The following CACNB2 variants were observed in gnomAD, a reference collection of about 807,000 sequenced individuals.
CACNB2 encodes the protein calcium voltage-gated channel auxiliary subunit beta 2, also known as voltage-dependent L-type calcium channel subunit beta-2.
In CACNB2, 42 loss-of-function variants were observed where a neutral mutation model predicts 73.3. That is an observed-to-expected ratio of 0.57 (90% CI 0.45 to 0.74). The LOEUF is 0.74. CACNB2 is among the 30% of genes least tolerant of loss of function. The pLI is 0.00. For synonymous variants in CACNB2, 348 were observed against 310.3 expected (o/e 1.12, Z -1.28); for missense variants, 940 against 853.0 (o/e 1.10, Z -1.27).
intron 2 of CACNB2, chr10:18,151,236 G>T: frequency 2.7e-6 from 1 of 370,898 alleles, no homozygotes; most frequent in Non-Finnish European, 4.8e-6. Context: ...AACAGTGAGA[G>T]AACTCCAGCA....
intron 2 of CACNB2, among the ~76,000 whole-genome samples, chr10:18,289,785 G>A (rs369300416): frequency 1.3e-5 from 2 of 152,086 alleles, no homozygotes; most frequent in South Asian, 2.1e-4. Flanking sequence ...CCCTTTAGTT[G>A]TTCTATCCTT....
chr10:18,217,677 A>C (rs921240775), intron 2 of CACNB2, among the ~76,000 whole-genome samples: 4 of 151,646 alleles, frequency 2.6e-5, no homozygotes, highest in African/African-American at 9.7e-5. Context: ...TGAGAAAATA[A>C]TCACATGCTT....
In CACNB2 at chr10:18,359,266, GT is replaced by G. The variant is rs1344236727; in HGVS notation, c.214-42652del. Among the ~76,000 whole-genome samples the G allele has an allele frequency of 4.6e-5, 7 of 152,000 alleles. No individual in the cohort carries two copies. In the East Asian group the frequency reaches 1.2e-3, roughly 25 times the overall value. ...GGAGTTTGTGAGTAATGTTTGTTTT[GT>G]TTTTTGTTTGTTTGTTTGTTTTGAC... On this transcript the variant is annotated intron_variant, in intron 2 of 13. Coordinates refer to ENST00000324631, the MANE Select transcript of CACNB2 (RefSeq NM_201596.3).
intron 6 of CACNB2, among the ~76,000 whole-genome samples, chr10:18,507,646 C>T (rs1301422703): frequency 6.6e-6 from 1 of 151,768 alleles, no homozygotes; most frequent in East Asian, 1.9e-4. Flanking sequence ...CAAAAAAAAG[C>T]ACATGATCAG....
intron 2 of CACNB2, among the ~76,000 whole-genome samples, chr10:18,211,265 T>C (rs1179921449): frequency 3.9e-5 from 6 of 152,204 alleles, no homozygotes; most frequent in African/African-American, 1.4e-4. Flanking sequence ...AGGGTCACCG[T>C]GTTTGTGACA....
rs114325966 is a variant in CACNB2 at position 18,525,214 on chromosome 10, C to T, written c.945-2374C>T. On this transcript the variant is annotated intron_variant, in intron 9 of 13. Coordinates refer to ENST00000324631, the MANE Select transcript of CACNB2 (RefSeq NM_201596.3). Reference sequence around the variant, plus strand: ...TGCTGGGTGTCATTCTGGAACATTCCGTGTTATATGCTTGGGGATTCCTTT... The same window carrying T: ...TGCTGGGTGTCATTCTGGAACATTCTGTGTTATATGCTTGGGGATTCCTTT... Among the ~76,000 whole-genome samples, 875 of 151,790 alleles carry T rather than the reference C, an allele frequency of 5.8e-3. 11 individuals carry two copies. The highest frequency in any genetic ancestry group is 0.02 in the African/African-American group (834 of 41,360).
chr10:18,155,738 TAC>T (rs1196439824), intron 2 of CACNB2, among the ~76,000 whole-genome samples: 2 of 152,152 alleles, frequency 1.3e-5, no homozygotes, highest in African/African-American at 4.8e-5. Context: ...TCTTTTTCAT[TAC>T]AGTCAGTTTT....
chr10:18,247,312 A>T (rs1277134660), intron 2 of CACNB2, among the ~76,000 whole-genome samples: 9 of 152,186 alleles, frequency 5.9e-5, no homozygotes, highest in Non-Finnish European at 1.2e-4. Context: ...TTCCTTGATC[A>T]GTCCCCAAAT....
chr10:18,238,844 G>T (rs181639505), intron 2 of CACNB2, among the ~76,000 whole-genome samples: 1 of 152,108 alleles, frequency 6.6e-6, no homozygotes, highest in South Asian at 2.1e-4. Context: ...TAACACAACC[G>T]TAAACCATTC....
At chr10:18,146,509 G>A (rs905551358) in intron 1 of CACNB2, among the ~76,000 whole-genome samples, 7 of 150,430 alleles carry the variant, frequency 4.7e-5, no homozygotes, top group East Asian at 1.9e-4. Flanking sequence ...ACAGAATCTC[G>A]CTCTGTCACT....
intron 3 of CACNB2, among the ~76,000 whole-genome samples, chr10:18,468,614 T>G (rs931528869): frequency 1.3e-5 from 2 of 152,062 alleles, no homozygotes; most frequent in African/African-American, 4.8e-5. Flanking sequence ...TTTATTTTGT[T>G]TTGAGACGGA....
intron 3 of CACNB2, among the ~76,000 whole-genome samples, chr10:18,496,950 C>A (rs1340271636): frequency 6.6e-6 from 1 of 151,198 alleles, no homozygotes; most frequent in African/African-American, 2.4e-5. Flanking sequence ...GTGTCTCGTA[C>A]CTGTAATCCC....
At chr10:18,310,750 T>A (rs111786492) in intron 2 of CACNB2, among the ~76,000 whole-genome samples, 7,668 of 151,654 alleles carry the variant, frequency 0.051, 268 homozygotes, top group African/African-American at 0.098. Flanking sequence ...TGGCTAATTT[T>A]TTTTGTATTT....
intron 3 of CACNB2, among the ~76,000 whole-genome samples, chr10:18,431,627 C>T (rs1159252906): frequency 3.9e-5 from 6 of 152,056 alleles, no homozygotes; most frequent in Non-Finnish European, 4.4e-5. Flanking sequence ...CAATATTTTC[C>T]TCCTTAAAAA....
At chr10:18,227,993 G>A (rs533696461) in intron 2 of CACNB2, among the ~76,000 whole-genome samples, 38 of 152,002 alleles carry the variant, frequency 2.5e-4, no homozygotes, top group African/African-American at 8.2e-4. Context: ...CTGAAAGGAG[G>A]AAAAAAAAAT....
intron 2 of CACNB2, among the ~76,000 whole-genome samples, chr10:18,181,562 T>TTTTATTTTATTTTATTTTA (rs2033882015): frequency 8.8e-6 from 1 of 113,536 alleles, no homozygotes; most frequent in Non-Finnish European, 1.8e-5. Flanking sequence ...GAGGATAACT[T>TTTTATTTTATTTTATTTTA]TTTTATTTTA....
At chr10:18,328,420 C>T (rs922022024) in intron 2 of CACNB2, among the ~76,000 whole-genome samples, 6 of 152,266 alleles carry the variant, frequency 3.9e-5, no homozygotes, top group African/African-American at 1.4e-4. Context: ...GGAATGCTTA[C>T]CTGGGTACTT....
At chr10:18,190,319 C>T (rs1157138583) in intron 2 of CACNB2, among the ~76,000 whole-genome samples, 2 of 152,160 alleles carry the variant, frequency 1.3e-5, no homozygotes, top group African/African-American at 4.8e-5. Flanking sequence ...GGGGTCGCTT[C>T]CAGTCCCTCA....
At chr10:18,514,999 A>T in intron 7 of CACNB2, 1 of 1,613,852 alleles carries the variant, frequency 6.2e-7, no homozygotes, top group Non-Finnish European at 8.5e-7. Context: ...CTGCAGATGA[A>T]CAAGACCAGT....
Sources: allele counts gnomAD v4.1 joint callset (sites outside exome capture counted in the v4.1 genomes callset), GRCh38; gene constraint gnomAD v4.1.1; transcripts MANE v1.5; gene names NCBI Gene and HGNC (gene_info 2026-07-23, HGNC 2026-07-21).